RIMS2: variants seen among roughly 807,000 people sequenced by gnomAD.
RIMS2 encodes the protein regulating synaptic membrane exocytosis protein 2.
RIMS2 carries 59 observed loss-of-function variants against 174.4 expected under a neutral mutation model. The observed-to-expected ratio is 0.34, with a 90% CI of 0.27 to 0.42. The LOEUF (loss-of-function observed/expected upper bound fraction) is 0.42. Among genes scored for constraint, RIMS2 ranks in the 10% least tolerant of loss-of-function variants. The pLI is 1.00. For missense variants in RIMS2, 1,620 were observed against 1,666.3 expected, an observed-to-expected ratio of 0.97 and a Z score of 0.48; for synonymous variants, 606 against 572.5, an observed-to-expected ratio of 1.06 and a Z score of -0.84.
chr8:103,576,288 AAAAC>A (rs1563845638), intron 1 of RIMS2, among the ~76,000 whole-genome samples: 1 of 152,274 alleles, frequency 6.6e-6, no homozygotes, highest in Admixed American at 6.5e-5. Flanking sequence ...CATGGCAGAA[AAAAC>A]AAACAACCAT....
intron 15 of RIMS2, among the ~76,000 whole-genome samples, chr8:103,969,453 T>A (rs993916460): frequency 6.6e-6 from 1 of 152,214 alleles, no homozygotes; most frequent in African/African-American, 2.4e-5. Context: ...GTTCAGAGAT[T>A]CTTTTCTCAA....
chr8:104,085,171 A>G (rs1051295528), intron 19 of RIMS2, among the ~76,000 whole-genome samples: 5 of 152,212 alleles, frequency 3.3e-5, no homozygotes, highest in African/African-American at 9.6e-5. Context: ...TTTACTTCAC[A>G]CAACAAGAAA....
intron 2 of RIMS2, among the ~76,000 whole-genome samples, chr8:103,754,774 C>T (rs1357934568): frequency 2.0e-5 from 3 of 151,866 alleles, no homozygotes; most frequent in Non-Finnish European, 2.9e-5. Flanking sequence ...TTGCTTTCCA[C>T]CTGCTTGGTA....
intron 3 of RIMS2, among the ~76,000 whole-genome samples, chr8:103,802,116 C>T (rs1023344995): frequency 5.3e-5 from 8 of 152,090 alleles, no homozygotes; most frequent in African/African-American, 1.9e-4. Context: ...TAGCCAGCAG[C>T]ACTCTTTTTT....
At chr8:103,659,023 A>C (rs1190008078) in intron 1 of RIMS2, among the ~76,000 whole-genome samples, 1 of 152,228 alleles carries the variant, frequency 6.6e-6, no homozygotes, top group Non-Finnish European at 1.5e-5. Context: ...TTTGAAGGCT[A>C]ATGCTGATAG....
chr8:103,722,986 C>T lies in RIMS2; in HGVS notation c.387+25690C>T, dbSNP rs1223216759. ...AATTAGCCGGGCATGGTGGGGCACA[C>T]CTGTAATCCCAGCTACTTGGGAGGC... On this transcript the variant is annotated intron_variant, in intron 2 of 23. Transcript: ENST00000504942. 2.0e-5 allele frequency among the ~76,000 whole-genome samples: 3 copies of T among 152,240 alleles called. No homozygotes were observed. The East Asian group carries it at 5.8e-4, about 30-fold the overall frequency.
intron 19 of RIMS2, among the ~76,000 whole-genome samples, chr8:104,078,129 G>A (rs1441061641): frequency 6.8e-6 from 1 of 147,862 alleles, no homozygotes; most frequent in African/African-American, 2.5e-5. Context: ...ACAAGAGCAA[G>A]ACTCCATCTC....
chr8:103,557,092 G>C (rs887721106), intron 1 of RIMS2, among the ~76,000 whole-genome samples: 2 of 152,102 alleles, frequency 1.3e-5, no homozygotes, highest in Non-Finnish European at 2.9e-5. Flanking sequence ...TGATTCGGGA[G>C]AATTAAATGA....
chr8:104,156,580 A>G (rs1473487985), intron 19 of RIMS2, among the ~76,000 whole-genome samples: 1 of 152,356 alleles, frequency 6.6e-6, no homozygotes, highest in East Asian at 1.9e-4. Context: ...CTATTTGCAA[A>G]TATTTATTGA....
chr8:103,915,048 TC>T (rs1453816352), intron 6 of RIMS2, among the ~76,000 whole-genome samples: 5 of 152,084 alleles, frequency 3.3e-5, no homozygotes, highest in Non-Finnish European at 7.4e-5. Flanking sequence ...AAGCACATTA[TC>T]AGTGTTTCTA....
intron 19 of RIMS2, among the ~76,000 whole-genome samples, chr8:104,051,397 C>G (rs924921362): frequency 2.0e-5 from 3 of 151,888 alleles, no homozygotes; most frequent in African/African-American, 7.3e-5. Flanking sequence ...ATGGGAAGAA[C>G]ATAGTTATAG....
intron 3 of RIMS2, among the ~76,000 whole-genome samples, chr8:103,873,368 GGT>G (rs2154514000): frequency 6.6e-6 from 1 of 152,186 alleles, no homozygotes; most frequent in East Asian, 1.9e-4. Context: ...TGCCTGGATG[GGT>G]GTGTCTGTAT....
intron 19 of RIMS2, among the ~76,000 whole-genome samples, chr8:104,150,607 G>A (rs1203297399): frequency 6.6e-6 from 1 of 152,124 alleles, no homozygotes; most frequent in African/African-American, 2.4e-5. Flanking sequence ...GATTAGAAAG[G>A]TGTTCTAGAT....
intron 1 of RIMS2, among the ~76,000 whole-genome samples, chr8:103,585,692 C>T (rs530175618): frequency 5.9e-5 from 9 of 151,634 alleles, no homozygotes; most frequent in Admixed American, 2.6e-4. Context: ...AATGCATGAA[C>T]ACAGTGAGGG....
At chr8:103,792,173 A>G (rs1042085207) in intron 3 of RIMS2, among the ~76,000 whole-genome samples, 16 of 152,216 alleles carry the variant, frequency 1.1e-4, no homozygotes, top group Non-Finnish European at 1.6e-4. Context: ...CGTTGGAAGT[A>G]AAGCACTCCT....
chr8:104,040,911 C>T (rs535423638), intron 19 of RIMS2, among the ~76,000 whole-genome samples: 1 of 151,530 alleles, frequency 6.6e-6, no homozygotes, highest in Admixed American at 6.6e-5. Context: ...TAAATCTTTT[C>T]TTCAGATAAT....
intron 2 of RIMS2, among the ~76,000 whole-genome samples, chr8:103,748,457 T>C (rs1444513405): frequency 6.6e-6 from 1 of 151,876 alleles, no homozygotes; most frequent in Non-Finnish European, 1.5e-5. Flanking sequence ...AATACATACA[T>C]ACATACATGC....
intron 1 of RIMS2, among the ~76,000 whole-genome samples, chr8:103,689,483 G>C (rs11994028): frequency 6.6e-6 from 1 of 152,118 alleles, no homozygotes; most frequent in South Asian, 2.1e-4. Context: ...ATTGTATTTA[G>C]GTCTATCTCT....
chr8:103,607,687 G>C (rs1315010124), intron 1 of RIMS2, among the ~76,000 whole-genome samples: 3 of 137,368 alleles, frequency 2.2e-5, no homozygotes, highest in African/African-American at 8.5e-5. Context: ...TTTCTTGGAG[G>C]CTTTGCTCAT....
Sources: gnomAD v4.1 joint callset for allele counts (sites outside exome capture counted in the v4.1 genomes callset) on GRCh38, gnomAD v4.1.1 for gene constraint, MANE v1.5 for transcripts, NCBI Gene and HGNC (gene_info 2026-07-23, HGNC 2026-07-21) for gene names.